Variants in CD8B2 observed in about 807,000 individuals in gnomAD.
CD8B2 encodes CD8B family member 2.
A neutral mutation model predicts 23.7 loss-of-function variants in CD8B2; 11 were observed. The ratio of observed to expected loss-of-function variants is 0.46; its 90% CI spans 0.29 to 0.77. CD8B2 has a LOEUF of 0.77. CD8B2 is among the 30% of genes least tolerant of loss of function. The pLI is 0.09. For missense variants in CD8B2, 197 were observed against 270.5 expected (o/e 0.73, Z 1.91); for synonymous variants, 90 against 109.3 (o/e 0.82, Z 1.10).
intron 5 of CD8B2, among the ~76,000 whole-genome samples, chr2:106,538,664 G>T (rs557085820): frequency 7.9e-4 from 121 of 152,242 alleles, no homozygotes; most frequent in African/African-American, 2.8e-3. Flanking sequence ...TCACCTGCAT[G>T]TCACTATCTC....
At chr2:106,522,469 T>C (rs772082858) in intron 5 of CD8B2, among the ~76,000 whole-genome samples, 1 of 152,224 alleles carries the variant, frequency 6.6e-6, no homozygotes, top group Non-Finnish European at 1.5e-5. Flanking sequence ...CAAATTATTT[T>C]GCTCTTGTGA....
At chr2:106,534,567 A>G (rs563381640) in intron 5 of CD8B2, among the ~76,000 whole-genome samples, 25 of 152,246 alleles carry the variant, frequency 1.6e-4, no homozygotes, top group African/African-American at 5.5e-4. Flanking sequence ...TGATTGCTGA[A>G]CTGGTGAATT....
downstream of CD8B2, among the ~76,000 whole-genome samples, chr2:106,511,779 G>T (rs1679636066): frequency 6.6e-6 from 1 of 152,122 alleles, no homozygotes; most frequent in South Asian, 2.1e-4. Flanking sequence ...TGACACTCCC[G>T]GGGAACCGTG....
chr2:106,493,335 A>G (rs1679230709), intron 2 of CD8B2, among the ~76,000 whole-genome samples: 1 of 152,178 alleles, frequency 6.6e-6, no homozygotes, highest in Non-Finnish European at 1.5e-5. Context: ...GGGAGAGATT[A>G]AACTGGGGGC....
At chr2:106,532,068 C>A (rs1228101231) in intron 5 of CD8B2, among the ~76,000 whole-genome samples, 1 of 152,252 alleles carries the variant, frequency 6.6e-6, no homozygotes, top group Non-Finnish European at 1.5e-5. Flanking sequence ...GCAACCATAG[C>A]ACAGATTCAG....
chr2:106,526,565 G>C (rs1679909656), intron 5 of CD8B2, among the ~76,000 whole-genome samples: 1 of 152,174 alleles, frequency 6.6e-6, no homozygotes, highest in South Asian at 2.1e-4. Flanking sequence ...ATGTTTTCAA[G>C]TTGTATACAC....
rs370829546 is a variant in CD8B2 at position 106,530,479 on chromosome 2, C to T, written c.621-13513C>T. 1.4e-4 allele frequency among the ~76,000 whole-genome samples: 22 copies of T among 152,174 alleles called. No homozygotes were observed. In the East Asian group the frequency reaches 2.1e-3, roughly 15 times the overall value. ...CTGCAAGCTCCGCCTCCCGGGTTCA[C>T]GCCATTCTCCCGCCTCAGCCTCCTG... On this transcript the variant is annotated intron_variant, in intron 5 of 5. Coordinates refer to the CD8B2 transcript ENST00000416057.
At chr2:106,498,828 G>A (rs1183658772) in intron 3 of CD8B2, among the ~76,000 whole-genome samples, 1 of 152,188 alleles carries the variant, frequency 6.6e-6, no homozygotes, top group Non-Finnish European at 1.5e-5. Context: ...CTCAAAGCCT[G>A]TGATCATGAA....
chr2:106,539,268 G>A (rs1268066753), intron 5 of CD8B2, among the ~76,000 whole-genome samples: 1 of 152,176 alleles, frequency 6.6e-6, no homozygotes, highest in East Asian at 1.9e-4. Context: ...TCTCCAGCAG[G>A]TATCACAGCA....
intron 3 of CD8B2, among the ~76,000 whole-genome samples, chr2:106,497,461 C>A (rs1234446997): frequency 2.6e-5 from 4 of 152,142 alleles, no homozygotes; most frequent in Non-Finnish European, 5.9e-5. Context: ...TTCCTTAAAC[C>A]CATCAGCCCA....
chr2:106,489,486 C>T (rs1315155406), intron 1 of CD8B2, among the ~76,000 whole-genome samples: 7 of 152,124 alleles, frequency 4.6e-5, no homozygotes, highest in African/African-American at 9.7e-5. Flanking sequence ...GGCACACACA[C>T]ATGCCCTCTG....
intron 5 of CD8B2, among the ~76,000 whole-genome samples, chr2:106,537,034 T>C (rs568173835): frequency 1.3e-5 from 2 of 152,208 alleles, no homozygotes; most frequent in Non-Finnish European, 2.9e-5. Context: ...TGCTGTTGGC[T>C]CTAGGTGCCC....
At chr2:106,511,556 C>T (rs1271731445), downstream of CD8B2, among the ~76,000 whole-genome samples, 3 of 151,126 alleles carry the variant, frequency 2.0e-5, no homozygotes, top group Non-Finnish European at 4.4e-5. Flanking sequence ...TTCATCCTTA[C>T]TCATCCTCAC....
rs1679183523 is a variant in CD8B2 at position 106,490,978 on chromosome 2, A to C, written c.148A>C (p.Met50Leu). ...CGAGGCTAAAATCTCCCTCAGTAACATGTGCATCTACTGGCTGAGACAGCG... is the reference window on the plus strand; with the variant it reads ...CGAGGCTAAAATCTCCCTCAGTAACCTGTGCATCTACTGGCTGAGACAGCG... ...SCEAKISLSN[M>L]CIYWLRQRQA... Residue 50 changes from methionine to leucine, a missense_variant, in exon 2 of 6, where the codon ATG becomes CTG. By Grantham distance (15) the Met-to-Leu change is conservative. Coordinates refer to ENST00000643224, the MANE Select transcript of CD8B2 (RefSeq NM_001349727.2). 2 of 1,614,002 alleles carry C rather than the reference A, an allele frequency of 1.2e-6. No homozygotes were observed. The highest frequency in any genetic ancestry group is 1.7e-5 in the Admixed American group (1 of 60,018).
chr2:106,498,579 TG>T (rs1679343263), intron 3 of CD8B2, among the ~76,000 whole-genome samples: 1 of 152,036 alleles, frequency 6.6e-6, no homozygotes, highest in Non-Finnish European at 1.5e-5. Context: ...GGGATGGGTG[TG>T]GGGAAAGTAG....
At chr2:106,542,602 C>T (rs1164325896) in intron 5 of CD8B2, among the ~76,000 whole-genome samples, 1 of 148,296 alleles carries the variant, frequency 6.7e-6, no homozygotes, top group Non-Finnish European at 1.5e-5. Flanking sequence ...GAAATCCTTC[C>T]CCATGAAGGA....
chr2:106,526,436 C>T (rs1005596938), intron 5 of CD8B2, among the ~76,000 whole-genome samples: 2 of 152,154 alleles, frequency 1.3e-5, no homozygotes, highest in African/African-American at 4.8e-5. Context: ...ATGCCTGCCA[C>T]CCCCTCTTCT....
intron 2 of CD8B2, among the ~76,000 whole-genome samples, chr2:106,494,168 T>C (rs1231328777): frequency 6.6e-6 from 1 of 151,548 alleles, no homozygotes; most frequent in African/African-American, 2.4e-5. Context: ...TTTTTTTTTT[T>C]TGAGACGGAG....
intron 5 of CD8B2, among the ~76,000 whole-genome samples, chr2:106,532,343 T>C (rs532372721): frequency 2.8e-4 from 43 of 152,168 alleles, no homozygotes; most frequent in Non-Finnish European, 5.1e-4. Flanking sequence ...ACATTTTTTT[T>C]TCTATTAAAG....
Sources: gnomAD v4.1 joint callset for allele counts (sites outside exome capture counted in the v4.1 genomes callset) on GRCh38, gnomAD v4.1.1 for gene constraint, MANE v1.5 for transcripts, NCBI Gene and HGNC (gene_info 2026-07-23, HGNC 2026-07-21) for gene names.